The following ARHGEF9 variants were observed in gnomAD, a reference collection of about 807,000 sequenced individuals.
The protein encoded by ARHGEF9 is Cdc42 guanine nucleotide exchange factor 9.
ARHGEF9 carries 2 observed loss-of-function variants against 41.3 expected under a neutral mutation model. The ratio of observed to expected loss-of-function variants is 0.05; its 90% CI spans 0.02 to 0.15. The LOEUF is 0.15. Among genes scored for constraint, ARHGEF9 ranks in the 10% least tolerant of loss-of-function variants. ARHGEF9 has a pLI of 1.00. For synonymous variants in ARHGEF9, 160 were observed against 154.4 expected, an observed-to-expected ratio of 1.04 and a Z score of -0.27; for missense variants, 225 against 424.7, an observed-to-expected ratio of 0.53 and a Z score of 4.13.
intron 2 of ARHGEF9, among the ~76,000 whole-genome samples, chrX:63,707,695 T>G (rs1556403572): frequency 4.5e-5 from 5 of 111,781 alleles, no homozygotes; most frequent in Non-Finnish European, 9.4e-5. Flanking sequence ...TCACACAATT[T>G]AGATGCATCC....
At position 63,706,247 on chromosome X, in the gene ARHGEF9, A is replaced by C; in HGVS notation, c.402+11T>G. On this transcript the variant is annotated intron_variant, in intron 3 of 9. Coordinates refer to ENST00000671741, the MANE Select transcript of ARHGEF9 (RefSeq NM_001353921.2). ...TCGTGGAAGTGCCTCCACATGAACC[A>C]CCATGGTTACCTCACAAATATCCTT... 3 of 1,192,259 alleles carry C rather than the reference A, an allele frequency of 2.5e-6. No individual in the cohort carries two copies. The highest frequency in any genetic ancestry group is 3.4e-6 in the Non-Finnish European group (3 of 884,562).
intron 1 of ARHGEF9, among the ~76,000 whole-genome samples, chrX:63,780,923 C>T (rs782325391): frequency 9.0e-6 from 1 of 111,539 alleles, no homozygotes; most frequent in South Asian, 3.8e-4. Flanking sequence ...TATGTTCCAG[C>T]ATTTACACAG....
intron 6 of ARHGEF9, among the ~76,000 whole-genome samples, chrX:63,672,920 G>T (rs782674321): frequency 2.7e-5 from 3 of 112,087 alleles, no homozygotes; most frequent in Non-Finnish European, 5.6e-5. Context: ...CCCAGTGCTG[G>T]CTTCTGCTTA....
At chrX:63,738,473 G>A (rs1556424611) in intron 1 of ARHGEF9, among the ~76,000 whole-genome samples, 2 of 111,304 alleles carry the variant, frequency 1.8e-5, no homozygotes, top group African/African-American at 6.5e-5. Flanking sequence ...TTCTTGGCAG[G>A]GCTGTGCCAG....
At position 63,754,715 on chromosome X, in the gene ARHGEF9, G is replaced by T. The variant is rs1431547788; in HGVS notation, c.31-30004C>A. On this transcript the variant is annotated intron_variant, in intron 1 of 9. Transcript: ENST00000671741. Reference sequence around the variant, plus strand: ...GAGGAAGTAGGGTGGTTAGAGAAGGGCTGGGTTTGGCGCCCGAGTTTAGTC... The same window carrying T: ...GAGGAAGTAGGGTGGTTAGAGAAGGTCTGGGTTTGGCGCCCGAGTTTAGTC... 7.3e-4 allele frequency: 697 copies of T among 951,599 alleles called. 2 individuals are homozygous for T. The highest frequency in any genetic ancestry group is 8.8e-4 in the Non-Finnish European group (674 of 765,309). 78.4% of individuals were successfully genotyped at this position (951,599 alleles called of 1,213,427 possible).
intron 2 of ARHGEF9, among the ~76,000 whole-genome samples, chrX:63,713,613 G>C (rs2053087835): frequency 1.8e-5 from 2 of 109,320 alleles, no homozygotes; most frequent in Admixed American, 2.0e-4. Flanking sequence ...TGCCACCACA[G>C]TGAAGCAATG....
At chrX:63,725,947 A>G (rs1427240446) in intron 1 of ARHGEF9, among the ~76,000 whole-genome samples, 10 of 112,861 alleles carry the variant, frequency 8.9e-5, no homozygotes, top group Non-Finnish European at 1.7e-4. Flanking sequence ...TATAGAATAT[A>G]CATCCTGTCT....
intron 1 of ARHGEF9, among the ~76,000 whole-genome samples, chrX:63,767,920 T>C (rs2056139592): frequency 8.9e-6 from 1 of 111,964 alleles, no homozygotes; most frequent in African/African-American, 3.3e-5. Context: ...AGCCTTAGTT[T>C]CCCCACCTTT....
intron 9 of ARHGEF9, chrX:63,642,527 C>T (rs2047703398): frequency 8.9e-6 from 1 of 111,756 alleles, no homozygotes; most frequent in Non-Finnish European, 1.9e-5. Flanking sequence ...CAATAAGGGC[C>T]TCCCAAGAGC....
At chrX:63,772,664 T>A (rs868975811) in intron 1 of ARHGEF9, among the ~76,000 whole-genome samples, 1 of 111,016 alleles carries the variant, frequency 9.0e-6, no homozygotes, top group African/African-American at 3.3e-5. Flanking sequence ...GGTTTCAGAG[T>A]CTGTGCTATT....
intron 4 of ARHGEF9, among the ~76,000 whole-genome samples, chrX:63,682,576 T>C (rs1379669477): frequency 9.1e-6 from 1 of 110,223 alleles, no homozygotes; most frequent in Admixed American, 9.6e-5. Context: ...GGTATAAAGA[T>C]TCTCAATAAA....
At chrX:63,729,761 A>T (rs1182079803) in intron 1 of ARHGEF9, among the ~76,000 whole-genome samples, 1 of 111,824 alleles carries the variant, frequency 8.9e-6, no homozygotes, top group Non-Finnish European at 1.9e-5. Flanking sequence ...GGAAGCACTA[A>T]ATATAGGGAA....
At chrX:63,755,508 C>T (rs1361871331) in intron 1 of ARHGEF9, among the ~76,000 whole-genome samples, 13 of 108,619 alleles carry the variant, frequency 1.2e-4, no homozygotes, top group African/African-American at 4.4e-4. Flanking sequence ...GAAGAAAAGA[C>T]GAGGAGGAAG....
intron 5 of ARHGEF9, among the ~76,000 whole-genome samples, chrX:63,676,510 C>T (rs1367609022): frequency 8.9e-6 from 1 of 112,301 alleles, no homozygotes; most frequent in East Asian, 2.8e-4. Context: ...CATTCTTTTA[C>T]AGTTAGTTGC....
intron 1 of ARHGEF9, among the ~76,000 whole-genome samples, chrX:63,753,543 G>GTTT (rs536776847): frequency 4.4e-4 from 42 of 96,305 alleles, no homozygotes; most frequent in African/African-American, 1.4e-3. Context: ...TTCTTGTGGG[G>GTTT]TTTTTTTTTT....
intron 1 of ARHGEF9, among the ~76,000 whole-genome samples, chrX:63,729,431 C>A (rs782568131): frequency 1.8e-5 from 2 of 111,819 alleles, no homozygotes; most frequent in South Asian, 7.5e-4. Flanking sequence ...GGAGCATGAT[C>A]TCTCAAAAGT....
At chrX:63,726,424 C>T (rs2053969668) in intron 1 of ARHGEF9, among the ~76,000 whole-genome samples, 1 of 111,777 alleles carries the variant, frequency 8.9e-6, no homozygotes, top group African/African-American at 3.3e-5. Context: ...CTGCAACCTC[C>T]ACCTCCTGGG....
intron 3 of ARHGEF9, 70 bp downstream of exon 3, chrX:63,706,188 G>A (rs1380607230): frequency 6.4e-5 from 70 of 1,099,315 alleles, no homozygotes; most frequent in Non-Finnish European, 8.6e-6. Flanking sequence ...TCTTGGGACT[G>A]TCACAGGCAG....
chrX:63,773,973 C>T (rs1189339687), intron 1 of ARHGEF9, among the ~76,000 whole-genome samples: 1 of 110,423 alleles, frequency 9.1e-6, no homozygotes, highest in Admixed American at 9.7e-5. Flanking sequence ...ATTAACTCTC[C>T]TGGGACTTGA....
Sources: allele counts gnomAD v4.1 joint callset (sites outside exome capture counted in the v4.1 genomes callset), GRCh38; gene constraint gnomAD v4.1.1; transcripts MANE v1.5; gene names NCBI Gene and HGNC (gene_info 2026-07-23, HGNC 2026-07-21).